SF3B3: variants seen among roughly 807,000 people sequenced by gnomAD.
SF3B3 encodes splicing factor 3b subunit 3, also known as SAP 130.
In SF3B3, 33 loss-of-function variants were observed where a neutral mutation model predicts 139.2. The ratio of observed to expected loss-of-function variants is 0.24; its 90% CI spans 0.18 to 0.32. SF3B3 has a LOEUF of 0.32. Among genes scored for constraint, SF3B3 ranks in the 10% least tolerant of loss-of-function variants. The pLI, the probability that SF3B3 is intolerant of heterozygous loss-of-function variation, is 1.00. For synonymous variants in SF3B3, 596 were observed against 563.6 expected (o/e 1.06, Z -0.81); for missense variants, 818 against 1,509.4 (o/e 0.54, Z 7.59).
chr16:70,534,860 G>T (rs557495983), intron 5 of SF3B3, among the ~76,000 whole-genome samples: 1 of 152,182 alleles, frequency 6.6e-6, no homozygotes, highest in Admixed American at 6.5e-5. Context: ...GTAGAGACGG[G>T]ATTTCACCGT....
At chr16:70,526,012 T>C (rs897133424) in intron 1 of SF3B3, among the ~76,000 whole-genome samples, 18 of 140,790 alleles carry the variant, frequency 1.3e-4, no homozygotes, top group Non-Finnish European at 2.5e-4. Flanking sequence ...TAGTCTCAAG[T>C]AGAAAATTTT....
chr16:70,563,784 T>A, intron 17 of SF3B3, 92 bp from the exon 18 acceptor site: 1 of 1,193,462 alleles, frequency 8.4e-7, no homozygotes, highest in Non-Finnish European at 1.2e-6. Context: ...GCTCCAGGGA[T>A]TGACGTGTTT....
At chr16:70,537,026 G>A (rs1430658364) in intron 6 of SF3B3, among the ~76,000 whole-genome samples, 1 of 149,186 alleles carries the variant, frequency 6.7e-6, no homozygotes, top group South Asian at 2.1e-4. Context: ...GGCCAGGCTG[G>A]TATCGAACTC....
At chr16:70,546,854 C>T (rs1363435790) in intron 10 of SF3B3, among the ~76,000 whole-genome samples, 3 of 151,958 alleles carry the variant, frequency 2.0e-5, no homozygotes, top group South Asian at 2.1e-4. Context: ...GGTGAAACCC[C>T]GTCTCTACTA....
rs1332084682 is a variant in SF3B3, at chr16:70,572,338, G to C, written c.*525G>C. ...TCTTGTTCTGGAGATGAGGATGTAG[G>C]TGGGAGGTTTGAACCCAAGTTAGAG... On this transcript the variant is annotated 3_prime_UTR_variant, in exon 26 of 26. Coordinates refer to ENST00000302516, the MANE Select transcript of SF3B3 (RefSeq NM_012426.5). 1 of 256,802 alleles carries C rather than the reference G, an allele frequency of 3.9e-6. No homozygotes were observed. Among genetic ancestry groups the C allele is most frequent in the Non-Finnish European group, 7.8e-6 (1 of 128,558 alleles). 15.9% of individuals were successfully genotyped at this position (256,802 alleles called of 1,614,324 possible).
intron 25 of SF3B3, 89 bp from the exon 26 acceptor site, chr16:70,571,584 C>T (rs2050529930): frequency 7.1e-7 from 1 of 1,409,034 alleles, no homozygotes; most frequent in Non-Finnish European, 9.6e-7. Flanking sequence ...AAAATAAAAA[C>T]AGCTTTCCCT....
intron 15 of SF3B3, among the ~76,000 whole-genome samples, chr16:70,557,764 GTTC>G (rs1224131530): frequency 1.3e-5 from 2 of 151,968 alleles, no homozygotes; most frequent in Non-Finnish European, 2.9e-5. Context: ...ACATTCTGCT[GTTC>G]TTATTTTATC....
At position 70,571,816 on chromosome 16, in the gene SF3B3, C is replaced by T. The variant is rs542955617; in HGVS notation, c.*3C>T. Reference sequence around the variant, plus strand: ...TCCGGACCCGCTACGCCTTCTGAGCCCTCCTTTCCCGGTGGGGCTTGCCAG... The same window carrying T: ...TCCGGACCCGCTACGCCTTCTGAGCTCTCCTTTCCCGGTGGGGCTTGCCAG... On this transcript the variant is annotated 3_prime_UTR_variant, in exon 26 of 26. Coordinates refer to ENST00000302516, the MANE Select transcript of SF3B3 (RefSeq NM_012426.5). The T allele has an allele frequency of 2.0e-4, 328 of 1,608,782 alleles. 4 individuals are homozygous for T. The South Asian group carries it at 2.9e-3, about 14-fold the overall frequency.
At chr16:70,526,758 T>A in intron 2 of SF3B3, 32 bp downstream of exon 2, 1 of 1,426,512 alleles carries the variant, frequency 7.0e-7, no homozygotes, top group Non-Finnish European at 9.9e-7. Flanking sequence ...TTTTGAAATT[T>A]TAAGTGAATT....
chr16:70,537,271 C>A (rs1263466222), intron 6 of SF3B3, among the ~76,000 whole-genome samples: 1 of 152,212 alleles, frequency 6.6e-6, no homozygotes, highest in Non-Finnish European at 1.5e-5. Flanking sequence ...CTGATTGAGA[C>A]ATTAAATTGG....
intron 13 of SF3B3, among the ~76,000 whole-genome samples, chr16:70,555,819 C>T (rs1217239675): frequency 6.6e-6 from 1 of 152,168 alleles, no homozygotes. Context: ...CTGTCTTTAA[C>T]CATATTTGAA....
intron 10 of SF3B3, among the ~76,000 whole-genome samples, chr16:70,547,520 C>G (rs1468219974): frequency 6.6e-6 from 1 of 152,186 alleles, no homozygotes; most frequent in Non-Finnish European, 1.5e-5. Flanking sequence ...GAGAATCATT[C>G]ACTCTTGACT....
intron 11 of SF3B3, among the ~76,000 whole-genome samples, chr16:70,552,290 T>C (rs547782770): frequency 5.9e-5 from 9 of 152,340 alleles, no homozygotes; most frequent in Admixed American, 2.0e-4. Context: ...TAGGTTTCAG[T>C]AATGAGAACA....
At chr16:70,531,499 G>A (rs2050121413) in intron 4 of SF3B3, among the ~76,000 whole-genome samples, 1 of 152,068 alleles carries the variant, frequency 6.6e-6, no homozygotes, top group Admixed American at 6.6e-5. Context: ...CTGGTCTTCT[G>A]ACCCCAGGTG....
At chr16:70,568,205 A>C (rs557531484) in intron 21 of SF3B3, 78 bp from the exon 22 acceptor site, 17 of 1,099,630 alleles carry the variant, frequency 1.5e-5, no homozygotes, top group Admixed American at 3.4e-5. Flanking sequence ...TACGTATGTC[A>C]TACGGAAAGC....
chr16:70,525,535 G>C (rs965679979), intron 1 of SF3B3, among the ~76,000 whole-genome samples: 3 of 152,116 alleles, frequency 2.0e-5, no homozygotes, highest in African/African-American at 7.2e-5. Flanking sequence ...AGTAACTTGC[G>C]GGGAGCTGTT....
At position 70,556,668 on chromosome 16, in the gene SF3B3, T is replaced by C. The variant is rs1364112369; in HGVS notation, c.1867-218T>C. ...GTGCTTTGCTTAATTACCTTTGCCA[T>C]TATCTTCTTTGACAAAAGGAGGAAA... On this transcript the variant is annotated intron_variant, in intron 14 of 25. Coordinates refer to ENST00000302516, the MANE Select transcript of SF3B3 (RefSeq NM_012426.5). 8 of 615,928 alleles carry C rather than the reference T, an allele frequency of 1.3e-5. No individual in the cohort carries two copies. The African/African-American group carries it at 1.5e-4, about 11-fold the overall frequency. 38.2% of individuals were successfully genotyped at this position (615,928 alleles called of 1,614,324 possible).
rs137934020 is a variant in SF3B3, at chr16:70,570,041, G to T, written c.3300G>T (p.Thr1100=). ...TCATGAACTACCATGTCGGGGAGAC[G>T]GTGCTGTCCTTGCAGAAGACCACGC... ...EVIMNYHVGE[T]VLSLQKTTLI... The change falls in exon 24 of 26, where the codon ACG becomes ACT. Residue 1100 remains threonine, a synonymous_variant. Transcript: ENST00000302516. The T allele has an allele frequency of 1.9e-6, 3 of 1,613,924 alleles. No individual in the cohort carries two copies. The highest frequency in any genetic ancestry group is 1.1e-5 in the South Asian group (1 of 91,066).
chr16:70,548,753 A>G (rs2050292684), intron 11 of SF3B3, among the ~76,000 whole-genome samples: 2 of 152,226 alleles, frequency 1.3e-5, no homozygotes, highest in Admixed American at 1.3e-4. Context: ...CATCTGTAAG[A>G]GGTATGATAT....
Sources: allele counts gnomAD v4.1 joint callset (sites outside exome capture counted in the v4.1 genomes callset), GRCh38; gene constraint gnomAD v4.1.1; transcripts MANE v1.5; gene names NCBI Gene and HGNC (gene_info 2026-07-23, HGNC 2026-07-21).